The following TRIM59 variants were observed in gnomAD, a reference collection of about 807,000 sequenced individuals.
TRIM59 encodes tripartite motif-containing protein 59.
TRIM59 carries 14 observed loss-of-function variants against 32.2 expected under a neutral mutation model. That is an observed-to-expected ratio of 0.43 (90% CI 0.29 to 0.68). TRIM59 has a LOEUF of 0.68. Ranked by LOEUF, TRIM59 falls within the 30% of genes least tolerant of loss-of-function variation. TRIM59 has a pLI of 0.15. For synonymous variants in TRIM59, 163 were observed against 155.1 expected (o/e 1.05, Z -0.38); for missense variants, 471 against 463.3 (o/e 1.02, Z -0.15).
rs1372923393 is a variant in TRIM59 at position 160,435,995 on chromosome 3, G to C, written c.*1977C>G. The C allele has an allele frequency of 3.2e-6, 4 of 1,259,828 alleles. No individual in the cohort carries two copies. The East Asian group carries it at 2.3e-4, about 71-fold the overall frequency. The allele number at this position is 1,259,828 out of a possible 1,614,324, so 78.0% of individuals were successfully genotyped here. On this transcript the variant is annotated 3_prime_UTR_variant, in exon 3 of 3. Transcript: ENST00000309784. ...TTGCTTACGTGTTTTTGAAACTACA[G>C]GGCACTTTTATGGTGTGACTAGTAT...
Position 160,438,922 on chromosome 3 carries a change from G to C in TRIM59, c.262C>G (p.Gln88Glu), listed in dbSNP as rs1293024400. The C allele has an allele frequency of 6.2e-7, 1 of 1,614,086 alleles. No homozygotes were observed. Among genetic ancestry groups the C allele is most frequent in the Admixed American group, 1.7e-5 (1 of 60,018 alleles). ...GTGACAATATCTGGATGGTCTTCTT[G>C]CTGGTACTTTTCAATAATAGCCCTT... ...ALRAIIEKYQ[Q>E]EDHPDIVTCP... Residue 88 changes from glutamine to glutamate, a missense_variant, in exon 3 of 3, where the codon CAA becomes GAA. Gln to Glu is a conservative substitution (Grantham distance 29). Coordinates refer to ENST00000309784, the MANE Select transcript of TRIM59 (RefSeq NM_173084.3).
Position 160,438,017 on chromosome 3 carries a change from A to G in TRIM59, c.1167T>C (p.Ile389=). 6.4e-7 allele frequency: 1 copy of G among 1,562,710 alleles called. No homozygotes were observed. Among genetic ancestry groups the G allele is most frequent in the East Asian group, 2.3e-5 (1 of 44,398 alleles). ...LHKVKNILCH[I]FYLLKEFVWK... Reference sequence around the variant, plus strand: ...ACACAAATTCCTTCAACAAATAGAAAATGTGACACAGTATATTCTTTACCT... The same window carrying G: ...ACACAAATTCCTTCAACAAATAGAAGATGTGACACAGTATATTCTTTACCT... The change falls in exon 3 of 3, where the codon ATT becomes ATC. Residue 389 remains isoleucine (I), a synonymous_variant. Coordinates refer to ENST00000309784, the MANE Select transcript of TRIM59 (RefSeq NM_173084.3).
chr3:160,438,129 ATGTGT>A lies in TRIM59; in HGVS notation c.1050_1054del (p.Gln350HisfsTer7), dbSNP rs1220090953. On this transcript the variant is annotated frameshift_variant, in exon 3 of 3. Transcript: ENST00000309784. LOFTEE classifies it high-confidence loss of function. ...AGTGATTTCACTTAAAAAGGTTATG[ATGTGT>A]TGGTTGAAAAAGAGTATCGACATCA... 6.2e-7 allele frequency: 1 copy of A among 1,612,458 alleles called. No individual in the cohort carries two copies. The highest frequency in any genetic ancestry group is 8.5e-7 in the Non-Finnish European group (1 of 1,179,546).
At chr3:160,446,341 G>A (rs892536143) in intron 2 of TRIM59, among the ~76,000 whole-genome samples, 1 of 151,854 alleles carries the variant, frequency 6.6e-6, no homozygotes, top group East Asian at 1.9e-4. Flanking sequence ...AACTAAAAAT[G>A]GACTAATTTC....
At chr3:160,443,745 T>C (rs916746865) in intron 2 of TRIM59, among the ~76,000 whole-genome samples, 1 of 152,108 alleles carries the variant, frequency 6.6e-6, no homozygotes, top group Non-Finnish European at 1.5e-5. Context: ...GTTCATGCCA[T>C]TCTCCTGCCT....
At position 160,437,082 on chromosome 3, in the gene TRIM59, T is replaced by C; in HGVS notation, c.*890A>G. On this transcript the variant is annotated 3_prime_UTR_variant, in exon 3 of 3. Coordinates refer to ENST00000309784, the MANE Select transcript of TRIM59 (RefSeq NM_173084.3). ...AAAATGCTGGCCCCCAGGCACAGTG[T>C]GGCTAACGTCTGTAATCCCAGCACT... 1.0e-6 allele frequency: 1 copy of C among 985,030 alleles called. No homozygotes were observed. The highest frequency in any genetic ancestry group is 1.2e-6 in the Non-Finnish European group (1 of 829,560). 61.0% of individuals were successfully genotyped at this position (985,030 alleles called of 1,614,324 possible). A position where few individuals can be genotyped will look rare whatever the true frequency, so the allele number is the denominator to read the frequency against.
intron 2 of TRIM59, among the ~76,000 whole-genome samples, chr3:160,440,909 C>A (rs1477759799): frequency 7.3e-5 from 11 of 151,284 alleles, no homozygotes; most frequent in African/African-American, 2.7e-4. Context: ...AACTCCGTCT[C>A]AAAAAAAATA....
At position 160,438,683 on chromosome 3, in the gene TRIM59, C is replaced by T; in HGVS notation, c.501G>A (p.Leu167=). The T allele has an allele frequency of 6.2e-7, 1 of 1,612,960 alleles. No individual in the cohort carries two copies. The highest frequency in any genetic ancestry group is 8.5e-7 in the Non-Finnish European group (1 of 1,179,694). ...TCTCAGAATGAGATTTTTGTTCTTT[C>T]AGCTTTTCAATAAGATGGGTAAGAT... The part of the protein sequence containing the change: ...WTDLTHLIEK[L]KEQKSHSEKM... Residue 167 remains leucine (L), a synonymous_variant, in exon 3 of 3, where the codon CTG becomes CTA. Transcript: ENST00000309784.
At position 160,436,658 on chromosome 3, in the gene TRIM59, C is replaced by T. The variant is rs936080851; in HGVS notation, c.*1314G>A. The T allele has an allele frequency of 6.6e-5, 38 of 574,840 alleles. No individual in the cohort carries two copies. Among genetic ancestry groups the T allele is most frequent in the Non-Finnish European group, 8.1e-5 (37 of 454,712 alleles). The allele number at this position is 574,840 out of a possible 1,614,324, so 35.6% of individuals were successfully genotyped here. On this transcript the variant is annotated 3_prime_UTR_variant, in exon 3 of 3. Coordinates refer to ENST00000309784, the MANE Select transcript of TRIM59 (RefSeq NM_173084.3). The stretch of plus-strand genomic sequence containing the variant: ...CTAAAAATACAGAAAATTAGCTGGG[C>T]GTGGTAGCAGATGCCTGTAGTCCCA...
Position 160,449,776 on chromosome 3 carries a change from A to G in TRIM59, c.-133T>C. The G allele has an allele frequency of 7.9e-7, 1 of 1,271,144 alleles. No homozygotes were observed. The highest frequency in any genetic ancestry group is 1.0e-6 in the Non-Finnish European group (1 of 971,884). 78.7% of individuals were successfully genotyped at this position (1,271,144 alleles called of 1,614,324 possible). ...ACGGAAACACAGCGCCACGAGCTCC[A>G]GGCGGATGCTGAGAGCCGCCCCGAG... On this transcript the variant is annotated 5_prime_UTR_variant, in exon 1 of 3. Coordinates refer to ENST00000309784, the MANE Select transcript of TRIM59 (RefSeq NM_173084.3).
chr3:160,445,905 C>T (rs1479110534), intron 2 of TRIM59, among the ~76,000 whole-genome samples: 1 of 152,084 alleles, frequency 6.6e-6, no homozygotes, highest in Admixed American at 6.5e-5. Context: ...CCTCAACTTC[C>T]CAGGCTCAAA....
rs148657075 is a variant in TRIM59 at position 160,449,047 on chromosome 3, G to A, written c.-73-252C>T. The A allele has an allele frequency of 6.8e-3, 1,714 of 250,976 alleles. 14 individuals are homozygous for A. Among genetic ancestry groups the A allele is most frequent in the Admixed American group, 0.025 (478 of 19,060 alleles). 15.5% of individuals were successfully genotyped at this position (250,976 alleles called of 1,614,324 possible). On this transcript the variant is annotated intron_variant, in intron 1 of 2. Coordinates refer to ENST00000309784, the MANE Select transcript of TRIM59 (RefSeq NM_173084.3). ...AACGTCAAGTAGCTTATGAGCTCTC[G>A]ACAATATTACCCAACAATGGTGATG...
chr3:160,441,505 G>A (rs905985050), intron 2 of TRIM59, among the ~76,000 whole-genome samples: 26 of 152,068 alleles, frequency 1.7e-4, no homozygotes, highest in Admixed American at 3.3e-4. Context: ...TGTAATCTCC[G>A]CACTTTGGGA....
Position 160,438,989 on chromosome 3 carries a change from A to C in TRIM59, c.195T>G (p.Ile65Met). The C allele has an allele frequency of 1.2e-6, 2 of 1,614,046 alleles. No individual in the cohort carries two copies. Among genetic ancestry groups the C allele is most frequent in the Non-Finnish European group, 1.7e-6 (2 of 1,179,944 alleles). ...KCPNCRSITE[I>M]APTGIESLPV... ...GTAAAGATTCAATGCCAGTTGGAGC[A>C]ATTTCAGTAATACTTCTGCAATTAG... The change falls in exon 3 of 3, where the codon ATT (isoleucine) becomes ATG (methionine). Residue 65 changes from isoleucine (I) to methionine (M), a missense_variant. By Grantham distance (10) the Ile-to-Met change is conservative. Transcript: ENST00000309784.
At position 160,437,905 on chromosome 3, in the gene TRIM59, A is replaced by G. The variant is rs369888415; in HGVS notation, c.*67T>C. 2.1e-6 allele frequency: 3 copies of G among 1,439,190 alleles called. No individual in the cohort carries two copies. The African/African-American group carries it at 4.3e-5, about 21-fold the overall frequency. 89.2% of individuals were successfully genotyped at this position (1,439,190 alleles called of 1,614,324 possible). A position where few individuals can be genotyped will look rare whatever the true frequency, so the allele number is the denominator to read the frequency against. On this transcript the variant is annotated 3_prime_UTR_variant, in exon 3 of 3. Coordinates refer to ENST00000309784, the MANE Select transcript of TRIM59 (RefSeq NM_173084.3). ...ATAAAGCTTAGTTTGCTCTTTATCC[A>G]TGCTACCCCATTTTTTGTTTAGCAA...
intron 2 of TRIM59, among the ~76,000 whole-genome samples, chr3:160,443,538 A>C (rs2108518507): frequency 6.6e-6 from 1 of 152,372 alleles, no homozygotes; most frequent in African/African-American, 2.4e-5. Context: ...GGGAGAAAAG[A>C]AAAGCAAGAA....
chr3:160,438,362 G>C lies in TRIM59; in HGVS notation c.822C>G (p.Pro274=). Residue 274 remains proline, a synonymous_variant, in exon 3 of 3, where the codon CCC becomes CCG. Coordinates refer to ENST00000309784, the MANE Select transcript of TRIM59 (RefSeq NM_173084.3). ...TGCTTACTCGAGGATAAATTTCAAC[G>C]GGTTGAACCTCAGGAAGTGGTCTTT... ...LKQRPLPEVQ[P]VEIYPRVSKI... is the part of the protein sequence containing the mutation. 6.2e-7 allele frequency: 1 copy of C among 1,613,454 alleles called. No individual in the cohort carries two copies. The highest frequency in any genetic ancestry group is 8.5e-7 in the Non-Finnish European group (1 of 1,179,864).
At position 160,437,761 on chromosome 3, in the gene TRIM59, A is replaced by G. The variant is rs989784443; in HGVS notation, c.*211T>C. 31 of 1,221,312 alleles carry G rather than the reference A, an allele frequency of 2.5e-5. No individual in the cohort carries two copies. Among genetic ancestry groups the G allele is most frequent in the Non-Finnish European group, 3.0e-5 (29 of 981,786 alleles). 75.7% of individuals were successfully genotyped at this position (1,221,312 alleles called of 1,614,324 possible). On this transcript the variant is annotated 3_prime_UTR_variant, in exon 3 of 3. Transcript: ENST00000309784. ...AAATGGGATAGTGTATTACTTTTCAAATTGTTACTAGATTCTGTTTCCCAA... is the reference window on the plus strand; with the variant it reads ...AAATGGGATAGTGTATTACTTTTCAGATTGTTACTAGATTCTGTTTCCCAA...
chr3:160,437,338 G>A lies in TRIM59; in HGVS notation c.*634C>T, dbSNP rs1349977876. The A allele has an allele frequency of 3.1e-6, 3 of 973,140 alleles. No individual in the cohort carries two copies. Among genetic ancestry groups the A allele is most frequent in the East Asian group, 1.1e-4 (1 of 8,760 alleles). 60.3% of individuals were successfully genotyped at this position (973,140 alleles called of 1,614,324 possible). A position where few individuals can be genotyped will look rare whatever the true frequency, so the allele number is the denominator to read the frequency against. ...AACTACACTCCAGCCTGGGCAACAA[G>A]GTGAGACCCAGTCTCAAAAATTTCT... On this transcript the variant is annotated 3_prime_UTR_variant, in exon 3 of 3. Transcript: ENST00000309784.
Sources: gnomAD v4.1 joint callset for allele counts (sites outside exome capture counted in the v4.1 genomes callset) on GRCh38, gnomAD v4.1.1 for gene constraint, MANE v1.5 for transcripts, NCBI Gene and HGNC (gene_info 2026-07-23, HGNC 2026-07-21) for gene names.